The following ZNF430 variants were observed in gnomAD, a reference collection of about 807,000 sequenced individuals.
ZNF430 encodes zinc finger protein 430.
A neutral mutation model predicts 56.7 loss-of-function variants in ZNF430; 35 were observed. That is an observed-to-expected ratio of 0.62 (90% CI 0.47 to 0.82). The LOEUF (loss-of-function observed/expected upper bound fraction) is 0.82. ZNF430 is among the 40% of genes least tolerant of loss of function. The pLI is 0.00. For missense variants in ZNF430, 574 were observed against 661.0 expected (o/e 0.87, Z 1.44); for synonymous variants, 212 against 224.3 (o/e 0.94, Z 0.49).
chr19:21,049,064 C>T (rs1968234128), intron 4 of ZNF430, among the ~76,000 whole-genome samples: 1 of 145,434 alleles, frequency 6.9e-6, no homozygotes, highest in Non-Finnish European at 1.5e-5. Flanking sequence ...TGGTGGAGGA[C>T]ATCTGAGACT....
intron 2 of ZNF430, among the ~76,000 whole-genome samples, chr19:21,031,048 A>G (rs1300331120): frequency 1.3e-5 from 2 of 151,940 alleles, no homozygotes; most frequent in Non-Finnish European, 2.9e-5. Context: ...ATTCCTGGCT[A>G]ATTTTTTGTG....
intron 4 of ZNF430, among the ~76,000 whole-genome samples, chr19:21,052,678 T>G (rs1344499806): frequency 2.0e-5 from 3 of 152,072 alleles, no homozygotes; most frequent in Admixed American, 6.6e-5. Context: ...TGCTCTCATT[T>G]GGTTAATATT....
At chr19:21,025,925 C>A in intron 2 of ZNF430, 2 of 426,368 alleles carry the variant, frequency 4.7e-6, no homozygotes, top group Non-Finnish European at 8.8e-6. Flanking sequence ...TTAATACAGA[C>A]TGAAGTTTCT....
chr19:21,030,099 G>C (rs1025520311), intron 2 of ZNF430, among the ~76,000 whole-genome samples: 10 of 147,276 alleles, frequency 6.8e-5, no homozygotes, highest in African/African-American at 1.0e-4. Flanking sequence ...TTTTGAATTT[G>C]TATTAAAACC....
At chr19:21,021,446 C>T (rs1033552212) in intron 1 of ZNF430, among the ~76,000 whole-genome samples, 1 of 151,858 alleles carries the variant, frequency 6.6e-6, no homozygotes, top group East Asian at 1.9e-4. Context: ...TTGCAGTGAG[C>T]CGAGATAGCG....
At chr19:21,054,290 AG>A (rs1968333318) in intron 4 of ZNF430, among the ~76,000 whole-genome samples, 1 of 152,154 alleles carries the variant, frequency 6.6e-6, no homozygotes, top group Non-Finnish European at 1.5e-5. Context: ...TATTTTCAGT[AG>A]AAGCAACTGC....
intron 4 of ZNF430, chr19:21,049,644 C>T (rs1008473681): frequency 2.0e-5 from 3 of 149,226 alleles, no homozygotes; most frequent in Non-Finnish European, 4.5e-5. Context: ...TTTCGTGCAA[C>T]ATTTCTTGTT....
chr19:21,044,990 GTGT>G (rs1361194758), intron 4 of ZNF430, among the ~76,000 whole-genome samples: 5 of 152,000 alleles, frequency 3.3e-5, no homozygotes, highest in Non-Finnish European at 7.4e-5. Context: ...ACTCTAGTTA[GTGT>G]TCTATTTTAT....
chr19:21,035,745 C>A (rs1007087343), intron 4 of ZNF430: 38 of 155,408 alleles, frequency 2.4e-4, no homozygotes, highest in Non-Finnish European at 8.6e-5. Flanking sequence ...GGTCACAAGG[C>A]TGCTGGGTCT....
At chr19:21,037,873 C>G (rs902808735) in intron 4 of ZNF430, among the ~76,000 whole-genome samples, 1 of 151,956 alleles carries the variant, frequency 6.6e-6, no homozygotes, top group Admixed American at 6.5e-5. Flanking sequence ...ATTTGTGTAT[C>G]TTTTATGATA....
intron 2 of ZNF430, among the ~76,000 whole-genome samples, chr19:21,030,295 C>G (rs2144756677): frequency 6.6e-6 from 1 of 152,192 alleles, no homozygotes; most frequent in African/African-American, 2.4e-5. Flanking sequence ...AAAACAAAAT[C>G]AATGACAGAG....
rs1968435621 is a variant in ZNF430, at chr19:21,059,577, A to G, written c.*1556A>G. ...AAAAAAAAAAACAACTAAAGTTGGT[A>G]GAAAAATTATTTGTATATAACTTTA... On this transcript the variant is annotated 3_prime_UTR_variant, in exon 5 of 5. Transcript: ENST00000261560. 1 of 151,914 alleles carries G rather than the reference A, an allele frequency of 6.6e-6. No homozygotes were observed. The highest frequency in any genetic ancestry group is 1.5e-5 in the Non-Finnish European group (1 of 67,968). 9.4% of individuals were successfully genotyped at this position (151,914 alleles called of 1,614,324 possible). A position where few individuals can be genotyped will look rare whatever the true frequency, so the allele number is the denominator to read the frequency against.
chr19:21,047,109 C>T (rs888495811), intron 4 of ZNF430, among the ~76,000 whole-genome samples: 28 of 152,280 alleles, frequency 1.8e-4, no homozygotes, highest in African/African-American at 5.8e-4. Flanking sequence ...AAGTTCTTTC[C>T]TTGCTTCGTC....
chr19:21,050,967 G>A (rs772780215), intron 4 of ZNF430, among the ~76,000 whole-genome samples: 3 of 152,260 alleles, frequency 2.0e-5, no homozygotes, highest in Middle Eastern at 3.4e-3. Flanking sequence ...GGTAGAGGTT[G>A]CAGTGAGCTG....
At chr19:21,051,661 T>C (rs1222002298) in intron 4 of ZNF430, among the ~76,000 whole-genome samples, 2 of 152,114 alleles carry the variant, frequency 1.3e-5, no homozygotes, top group Non-Finnish European at 2.9e-5. Flanking sequence ...GCCCAGCTAA[T>C]TTGTTTATTT....
intron 4 of ZNF430, among the ~76,000 whole-genome samples, chr19:21,039,912 G>A (rs1968072861): frequency 1.3e-5 from 2 of 152,100 alleles, no homozygotes; most frequent in Admixed American, 1.3e-4. Context: ...CATAATTTTG[G>A]CTCACTGCAA....
chr19:21,055,252 T>G (rs185682462), intron 4 of ZNF430, among the ~76,000 whole-genome samples: 9 of 152,200 alleles, frequency 5.9e-5, no homozygotes, highest in Admixed American at 5.2e-4. Context: ...TTGATTGAAA[T>G]TTGTACATTT....
Position 21,034,445 on chromosome 19 carries a change from A to G in ZNF430, c.322+261A>G, listed in dbSNP as rs187652505. 926 of 320,922 alleles carry G rather than the reference A, an allele frequency of 2.9e-3. 14 individuals carry two copies. Among genetic ancestry groups the G allele is most frequent in the African/African-American group, 0.018 (866 of 46,886 alleles). 19.9% of individuals were successfully genotyped at this position (320,922 alleles called of 1,614,324 possible). A position where few individuals can be genotyped will look rare whatever the true frequency, so the allele number is the denominator to read the frequency against. On this transcript the variant is annotated intron_variant, in intron 4 of 4. Coordinates refer to ENST00000261560, the MANE Select transcript of ZNF430 (RefSeq NM_025189.4). ...CTCTTCATGGCATGCGAGACTCACAATCTGACTGCTTTTCCATTGTTTTGG... is the reference window on the plus strand; with the variant it reads ...CTCTTCATGGCATGCGAGACTCACAGTCTGACTGCTTTTCCATTGTTTTGG...
intron 2 of ZNF430, among the ~76,000 whole-genome samples, chr19:21,030,018 G>C (rs1471369636): frequency 1.3e-5 from 2 of 151,948 alleles, no homozygotes; most frequent in Non-Finnish European, 2.9e-5. Flanking sequence ...TCTAGAGCTG[G>C]TGCTCACAAT....
Sources: allele counts gnomAD v4.1 joint callset (sites outside exome capture counted in the v4.1 genomes callset), GRCh38; gene constraint gnomAD v4.1.1; transcripts MANE v1.5; gene names NCBI Gene and HGNC (gene_info 2026-07-23, HGNC 2026-07-21).